Variants in IL10RB observed in about 807,000 individuals in gnomAD.
The protein encoded by IL10RB is interleukin 10 receptor subunit beta, also known as interleukin-10 receptor subunit beta.
A neutral mutation model predicts 38.7 loss-of-function variants in IL10RB; 30 were observed. That is an observed-to-expected ratio of 0.78 (90% CI 0.58 to 1.05). IL10RB has a LOEUF of 1.05. Ranked by LOEUF, IL10RB falls within the 50% of genes least tolerant of loss-of-function variation. The pLI is 0.00. For synonymous variants in IL10RB, 142 were observed against 145.9 expected (o/e 0.97, Z 0.19); for missense variants, 328 against 397.1 (o/e 0.83, Z 1.48).
chr21:33,301,331 A>G (rs1384458922), downstream of IL10RB, among the ~76,000 whole-genome samples: 2 of 152,228 alleles, frequency 1.3e-5, no homozygotes, highest in African/African-American at 2.4e-5. Flanking sequence ...ACACCAAACA[A>G]TGTCTTTGTT....
chr21:33,289,579 C>A (rs1989444501), intron 6 of IL10RB, among the ~76,000 whole-genome samples: 1 of 152,232 alleles, frequency 6.6e-6, no homozygotes, highest in Non-Finnish European at 1.5e-5. Context: ...TGGCCTGTCC[C>A]TGCACTTGTC....
intron 2 of IL10RB, among the ~76,000 whole-genome samples, chr21:33,273,096 A>T (rs1989109803): frequency 6.6e-6 from 1 of 152,256 alleles, no homozygotes; most frequent in Non-Finnish European, 1.5e-5. Context: ...AACGTCATGC[A>T]GTGTACTTGC....
chr21:33,277,361 G>A (rs34579880), intron 3 of IL10RB, among the ~76,000 whole-genome samples: 2,305 of 151,616 alleles, frequency 0.015, 22 homozygotes, highest in Middle Eastern at 0.034. Flanking sequence ...TTGTTCCCAG[G>A]TTAGATTTGG....
chr21:33,294,369 TTGTGTGTGTGTGTGTGTGTGCG>T (rs201868113), intron 6 of IL10RB, among the ~76,000 whole-genome samples: 2 of 132,660 alleles, frequency 1.5e-5, no homozygotes, highest in African/African-American at 6.1e-5. Context: ...AGCCACCAGT[TTGTGTGTGTGTGTGTGTGTGCG>T]TGTGTGTGTG....
chr21:33,294,253 A>ACCAGGAT (rs1989546220), intron 6 of IL10RB: 1 of 332,600 alleles, frequency 3.0e-6, no homozygotes, highest in Non-Finnish European at 6.0e-6. Context: ...GAATCCATTA[A>ACCAGGAT]CCAGGATCCA....
downstream of IL10RB, among the ~76,000 whole-genome samples, chr21:33,297,690 G>A (rs1421581434): frequency 1.3e-5 from 2 of 152,096 alleles, no homozygotes; most frequent in Admixed American, 6.5e-5. Flanking sequence ...GCATGTGTCT[G>A]TAGTCCCAGC....
intron 5 of IL10RB, 99 bp from the exon 6 acceptor site, chr21:33,288,005 A>T: frequency 1.7e-6 from 2 of 1,162,212 alleles, no homozygotes; most frequent in Non-Finnish European, 2.6e-6. Context: ...AGATAAACGT[A>T]CAGGCTCTGT....
chr21:33,271,692 C>G (rs912738865), intron 2 of IL10RB, among the ~76,000 whole-genome samples: 3 of 150,928 alleles, frequency 2.0e-5, no homozygotes, highest in Non-Finnish European at 4.4e-5. Flanking sequence ...TGCACCATTG[C>G]ACTCCAGCCT....
chr21:33,294,312 G>A (rs771372589), intron 6 of IL10RB, among the ~76,000 whole-genome samples: 51 of 152,204 alleles, frequency 3.4e-4, no homozygotes, highest in Non-Finnish European at 6.5e-4. Context: ...GAGACTTTGA[G>A]TTAAAAAAGC....
chr21:33,307,590 G>C (rs1042670013), intron 1 of IL10RB, among the ~76,000 whole-genome samples: 1 of 152,070 alleles, frequency 6.6e-6, no homozygotes, highest in African/African-American at 2.4e-5. Flanking sequence ...TTTGCATATA[G>C]GGCCCTTTCA....
chr21:33,275,035 G>A (rs1398904788), intron 2 of IL10RB, among the ~76,000 whole-genome samples: 1 of 152,004 alleles, frequency 6.6e-6, no homozygotes, highest in East Asian at 1.9e-4. Flanking sequence ...AGATCTTCTG[G>A]ATAACTTGCT....
At chr21:33,270,315 T>G (rs1283219324) in intron 2 of IL10RB, among the ~76,000 whole-genome samples, 1 of 148,142 alleles carries the variant, frequency 6.8e-6, no homozygotes, top group Non-Finnish European at 1.5e-5. Flanking sequence ...AAATTTCTTC[T>G]CTGTCTGTCT....
At chr21:33,277,557 G>A (rs1180594990) in intron 3 of IL10RB, among the ~76,000 whole-genome samples, 1 of 151,558 alleles carries the variant, frequency 6.6e-6, no homozygotes, top group African/African-American at 2.4e-5. Context: ...AGCACTAAAA[G>A]AATTGTCTCT....
chr21:33,277,356 C>G (rs868367390), intron 3 of IL10RB, among the ~76,000 whole-genome samples: 3 of 151,050 alleles, frequency 2.0e-5, no homozygotes, highest in Admixed American at 6.6e-5. Context: ...AAATATTGTT[C>G]CCAGGTTAGA....
intron 6 of IL10RB, among the ~76,000 whole-genome samples, chr21:33,292,858 G>A (rs1042075990): frequency 1.3e-5 from 2 of 152,220 alleles, no homozygotes; most frequent in African/African-American, 4.8e-5. Context: ...GTCCTGAGGT[G>A]TGCATAGGGC....
At chr21:33,292,737 T>TGC (rs1210944320) in intron 6 of IL10RB, among the ~76,000 whole-genome samples, 1 of 152,200 alleles carries the variant, frequency 6.6e-6, no homozygotes, top group East Asian at 1.9e-4. Context: ...TCTTGGGATT[T>TGC]GCCATAAACT....
downstream of IL10RB, among the ~76,000 whole-genome samples, chr21:33,298,642 A>T (rs2082977101): frequency 6.6e-6 from 1 of 152,124 alleles, no homozygotes; most frequent in African/African-American, 2.4e-5. Flanking sequence ...ATAAAATAAA[A>T]AATTATTTTT....
intron 3 of IL10RB, among the ~76,000 whole-genome samples, chr21:33,279,013 C>T (rs1989231715): frequency 6.6e-6 from 1 of 152,128 alleles, no homozygotes. Flanking sequence ...ATGAACGAGA[C>T]AAAATACCTC....
intron 1 of IL10RB, among the ~76,000 whole-genome samples, chr21:33,302,470 C>T (rs2082988324): frequency 6.6e-6 from 1 of 152,258 alleles, no homozygotes; most frequent in Non-Finnish European, 1.5e-5. Context: ...CTACTTTCCT[C>T]ACTCCTTACA....
Sources: gnomAD v4.1 joint callset for allele counts (sites outside exome capture counted in the v4.1 genomes callset) on GRCh38, gnomAD v4.1.1 for gene constraint, MANE v1.5 for transcripts, NCBI Gene and HGNC (gene_info 2026-07-23, HGNC 2026-07-21) for gene names.